The following PTPRT variants were observed in gnomAD, a reference collection of about 807,000 sequenced individuals.
PTPRT encodes the protein receptor-type tyrosine-protein phosphatase T.
In PTPRT, 56 loss-of-function variants were observed where a neutral mutation model predicts 176.8. The observed-to-expected ratio is 0.32, with a 90% CI of 0.26 to 0.40. PTPRT has a LOEUF of 0.40. PTPRT is among the 10% of genes least tolerant of loss of function. The pLI is 1.00. For missense variants in PTPRT, 1,540 were observed against 1,908.2 expected, an observed-to-expected ratio of 0.81 and a Z score of 3.60; for synonymous variants, 783 against 739.0, an observed-to-expected ratio of 1.06 and a Z score of -0.96.
intron 11 of PTPRT, among the ~76,000 whole-genome samples, chr20:42,327,910 A>C (rs2057908909): frequency 1.3e-5 from 2 of 152,108 alleles, no homozygotes; most frequent in African/African-American, 4.8e-5. Context: ...TAATATTTTA[A>C]AAATCATATC....
At chr20:42,932,589 C>A (rs1469023457) in intron 1 of PTPRT, among the ~76,000 whole-genome samples, 1 of 152,188 alleles carries the variant, frequency 6.6e-6, no homozygotes, top group African/African-American at 2.4e-5. Context: ...CAGCGTCACC[C>A]TGCTGACTTG....
At chr20:42,437,292 G>A (rs906841660) in intron 9 of PTPRT, among the ~76,000 whole-genome samples, 2 of 152,186 alleles carry the variant, frequency 1.3e-5, no homozygotes, top group African/African-American at 4.8e-5. Flanking sequence ...ATAGTTCATA[G>A]CAGAAAGAGC....
chr20:42,669,877 G>A (rs2075383669), intron 7 of PTPRT, among the ~76,000 whole-genome samples: 1 of 152,036 alleles, frequency 6.6e-6, no homozygotes, highest in Admixed American at 6.5e-5. Context: ...ATTCTTACAA[G>A]CCTTGGCCTC....
At chr20:42,670,977 A>C (rs887085783) in intron 7 of PTPRT, among the ~76,000 whole-genome samples, 1 of 152,126 alleles carries the variant, frequency 6.6e-6, no homozygotes, top group African/African-American at 2.4e-5. Context: ...GAGGGTAACA[A>C]TGAGGAAGAG....
chr20:42,709,324 C>T (rs561512287), intron 6 of PTPRT, among the ~76,000 whole-genome samples: 4 of 152,256 alleles, frequency 2.6e-5, no homozygotes, highest in African/African-American at 7.2e-5. Context: ...GAAGGTGTTT[C>T]GGTCATAGGG....
chr20:42,897,224 T>C (rs964459882), intron 1 of PTPRT, among the ~76,000 whole-genome samples: 1 of 152,224 alleles, frequency 6.6e-6, no homozygotes, highest in African/African-American at 2.4e-5. Flanking sequence ...CTTTGAGCAG[T>C]GAATTTATTA....
chr20:43,058,623 T>C (rs1396833670), intron 1 of PTPRT, among the ~76,000 whole-genome samples: 2 of 152,164 alleles, frequency 1.3e-5, no homozygotes, highest in Admixed American at 1.3e-4. Flanking sequence ...AATAAACGCT[T>C]CATGCAAAAT....
rs530875387 is a variant in PTPRT, at chr20:42,081,459, C to T, written c.4272+423G>A. Among the ~76,000 whole-genome samples the T allele has an allele frequency of 7.9e-5, 12 of 152,298 alleles. No individual in the cohort carries two copies. In the East Asian group the frequency reaches 1.4e-3, roughly 17 times the overall value. ...AGGTCTTATCACCCGGGGCTCTGCC[C>T]ACACACTCTCTTTATCACACTTTCC... On this transcript the variant is annotated intron_variant, in intron 30 of 30. Coordinates refer to ENST00000373187, the MANE Select transcript of PTPRT (RefSeq NM_007050.6).
At position 42,077,813 on chromosome 20, in the gene PTPRT, A is replaced by ATTTTTTT. The variant is rs3084621; in HGVS notation, c.*3059_*3065dup. ...CTGGGTTACCCCAACATGGCCTGAG[A>ATTTTTTT]TTTTTTTTTTTTGCAAGTTTGTTTC... On this transcript the variant is annotated 3_prime_UTR_variant, in exon 31 of 31. Transcript: ENST00000373187. The ATTTTTTT allele has an allele frequency of 0.027, 4,889 of 181,588 alleles. 284 individuals are homozygous for ATTTTTTT. Among genetic ancestry groups the ATTTTTTT allele is most frequent in the African/African-American group, 0.11 (4,591 of 40,814 alleles). The allele number at this position is 181,588 out of a possible 1,614,324, so 11.2% of individuals were successfully genotyped here.
chr20:43,060,593 T>C (rs1323039890), intron 1 of PTPRT, among the ~76,000 whole-genome samples: 1 of 152,220 alleles, frequency 6.6e-6, no homozygotes, highest in African/African-American at 2.4e-5. Context: ...TTATCTGCAA[T>C]ACAGGCACAA....
chr20:42,244,015 T>C (rs73271008), intron 14 of PTPRT, among the ~76,000 whole-genome samples: 8,157 of 152,240 alleles, frequency 0.054, 759 homozygotes, highest in African/African-American at 0.19. Flanking sequence ...GAGATGAATG[T>C]TTCTGTAGAT....
At chr20:42,035,592 C>T in the PTPRT span, among the ~76,000 whole-genome samples, 1 of 152,274 alleles carries the variant, frequency 6.6e-6, no homozygotes, top group Admixed American at 6.5e-5. Context: ...GTCTCTGACA[C>T]AGCCCCCATC....
intron 7 of PTPRT, among the ~76,000 whole-genome samples, chr20:42,492,499 TG>T (rs1470961009): frequency 5.6e-4 from 86 of 152,332 alleles, no homozygotes; most frequent in African/African-American, 1.9e-3. Context: ...ACAGGTCATT[TG>T]TTTTTAACTT....
chr20:42,632,778 A>G (rs1305140901), intron 7 of PTPRT, among the ~76,000 whole-genome samples: 2 of 151,862 alleles, frequency 1.3e-5, no homozygotes, highest in Non-Finnish European at 1.5e-5. Context: ...GTCCTTTTAT[A>G]AATCATCAAG....
chr20:42,631,828 ACT>A (rs558682720), intron 7 of PTPRT, among the ~76,000 whole-genome samples: 1 of 152,122 alleles, frequency 6.6e-6, no homozygotes, highest in Non-Finnish European at 1.5e-5. Flanking sequence ...GGGTACTCAA[ACT>A]CTGCACATTT....
chr20:42,940,520 G>A (rs964451962), intron 1 of PTPRT, among the ~76,000 whole-genome samples: 4 of 152,162 alleles, frequency 2.6e-5, no homozygotes, highest in African/African-American at 9.7e-5. Context: ...CAGAGATGAA[G>A]TTGAAGAGGA....
chr20:43,120,802 T>C (rs2146358960), intron 1 of PTPRT, among the ~76,000 whole-genome samples: 1 of 152,334 alleles, frequency 6.6e-6, no homozygotes, highest in African/African-American at 2.4e-5. Flanking sequence ...TCCATAAACA[T>C]TTTTCATGTT....
At chr20:42,328,672 A>G (rs1291121604) in intron 11 of PTPRT, among the ~76,000 whole-genome samples, 1 of 152,194 alleles carries the variant, frequency 6.6e-6, no homozygotes, top group Non-Finnish European at 1.5e-5. Flanking sequence ...CAAAATACCT[A>G]TTTCAAATCT....
intron 7 of PTPRT, among the ~76,000 whole-genome samples, chr20:42,490,349 C>T (rs2071540689): frequency 6.6e-6 from 1 of 152,058 alleles, no homozygotes; most frequent in African/African-American, 2.4e-5. Context: ...TAATATCTTC[C>T]CATCCATGGC....
Sources: allele counts gnomAD v4.1 joint callset (sites outside exome capture counted in the v4.1 genomes callset), GRCh38; gene constraint gnomAD v4.1.1; transcripts MANE v1.5; gene names NCBI Gene and HGNC (gene_info 2026-07-23, HGNC 2026-07-21).